Variants in TBC1D23 observed in about 807,000 individuals in gnomAD.
The protein encoded by TBC1D23 is TBC1 domain family member 23.
TBC1D23 carries 55 observed loss-of-function variants against 91.4 expected under a neutral mutation model. The observed-to-expected ratio is 0.60, with a 90% CI of 0.48 to 0.75. TBC1D23 has a LOEUF of 0.75. TBC1D23 is among the 30% of genes least tolerant of loss of function. The pLI is 0.00. For synonymous variants in TBC1D23, 289 were observed against 281.0 expected (o/e 1.03, Z -0.28); for missense variants, 725 against 836.1 (o/e 0.87, Z 1.64).
intron 1 of TBC1D23, among the ~76,000 whole-genome samples, chr3:100,274,189 G>C (rs971403620): frequency 2.0e-5 from 3 of 152,222 alleles, no homozygotes; most frequent in Admixed American, 6.5e-5. Context: ...TAGTATTCAT[G>C]GATTCTGTTT....
intron 4 of TBC1D23, chr3:100,284,051 T>TGGG: frequency 2.3e-6 from 1 of 434,214 alleles, no homozygotes; most frequent in Non-Finnish European, 4.1e-6. Context: ...GGGGAGGAAG[T>TGGG]GGGGAGATTT....
rs142074236 is a variant in TBC1D23 at position 100,311,693 on chromosome 3, T to C, written c.1554-140T>C. 1.7e-3 allele frequency: 1,002 copies of C among 581,178 alleles called. 12 individuals are homozygous for C. The East Asian group carries it at 0.026, about 15-fold the overall frequency. 36.0% of individuals were successfully genotyped at this position (581,178 alleles called of 1,614,324 possible). A position where few individuals can be genotyped will look rare whatever the true frequency, so the allele number is the denominator to read the frequency against. On this transcript the variant is annotated intron_variant, in intron 14 of 18. Transcript: ENST00000394144. ...ATTGGCTTTTCTTTGTTTTTCTTTG[T>C]ACTTGGGATGATGGAAACATCTTCT...
Position 100,297,922 on chromosome 3 carries a change from G to C in TBC1D23, c.877-1G>C. 6.2e-7 allele frequency: 1 copy of C among 1,602,004 alleles called. No individual in the cohort carries two copies. Among genetic ancestry groups the C allele is most frequent in the Non-Finnish European group, 8.5e-7 (1 of 1,172,764 alleles). On this transcript the variant is annotated splice_acceptor_variant, in intron 8 of 18. Coordinates refer to ENST00000394144, the MANE Select transcript of TBC1D23 (RefSeq NM_001199198.3). LOFTEE classifies it high-confidence loss of function. Reference sequence around the variant, plus strand: ...ATGTTTAAAAATTTCCCTTCAAACAGGATAATCACCATCTCTTTGGTAGTA... The same window carrying C: ...ATGTTTAAAAATTTCCCTTCAAACACGATAATCACCATCTCTTTGGTAGTA...
At chr3:100,322,723 C>A (rs1363597702) in intron 18 of TBC1D23, among the ~76,000 whole-genome samples, 1 of 151,816 alleles carries the variant, frequency 6.6e-6, no homozygotes, top group African/African-American at 2.4e-5. Flanking sequence ...GGCTTTCCCA[C>A]AAATTTTGCT....
chr3:100,316,501 T>C (rs898919050), intron 16 of TBC1D23, among the ~76,000 whole-genome samples: 12 of 151,810 alleles, frequency 7.9e-5, no homozygotes, highest in Admixed American at 7.9e-4. Context: ...AAATGTTGAG[T>C]AGAGGCAGTT....
At chr3:100,293,177 A>G (rs2067807793) in intron 5 of TBC1D23, among the ~76,000 whole-genome samples, 1 of 151,942 alleles carries the variant, frequency 6.6e-6, no homozygotes, top group Non-Finnish European at 1.5e-5. Context: ...TCTTTCACCC[A>G]GACTGGAGTG....
rs1259747068 is a variant in TBC1D23 at position 100,281,792 on chromosome 3, T to C, written c.216T>C (p.Gly72=). The change falls in exon 3 of 19, where the codon GGT becomes GGC. Residue 72 remains glycine, a synonymous_variant. Coordinates refer to ENST00000394144, the MANE Select transcript of TBC1D23 (RefSeq NM_001199198.3). ...GTGATAGTTTGGCATCATGGGATGGTATTTTAGACTTGCCAGAACAGAACA... is the reference window on the plus strand; with the variant it reads ...GTGATAGTTTGGCATCATGGGATGGCATTTTAGACTTGCCAGAACAGAACA... ...GKGDSLASWD[G]ILDLPEQNTI... The C allele has an allele frequency of 6.2e-7, 1 of 1,613,230 alleles. No individual in the cohort carries two copies. The highest frequency in any genetic ancestry group is 8.5e-7 in the Non-Finnish European group (1 of 1,179,472).
intron 16 of TBC1D23, among the ~76,000 whole-genome samples, chr3:100,318,163 G>A (rs80040386): frequency 0.032 from 4,848 of 151,658 alleles, 229 homozygotes; most frequent in African/African-American, 0.11. Context: ...GATAACGTGC[G>A]ATTTCCTTTT....
chr3:100,302,343 G>A, intron 11 of TBC1D23, 106 bp downstream of exon 11: 1 of 926,482 alleles, frequency 1.1e-6, no homozygotes, highest in Non-Finnish European at 1.5e-6. Context: ...ACTTTTCTTG[G>A]TTTTGTGACT....
At chr3:100,270,902 C>T (rs1182796552) in intron 1 of TBC1D23, among the ~76,000 whole-genome samples, 2 of 151,850 alleles carry the variant, frequency 1.3e-5, no homozygotes, top group Admixed American at 1.3e-4. Context: ...TGTAATTTCT[C>T]TATACTCTGC....
chr3:100,283,001 T>G (rs1257739397), intron 3 of TBC1D23, among the ~76,000 whole-genome samples: 1 of 152,220 alleles, frequency 6.6e-6, no homozygotes, highest in Non-Finnish European at 1.5e-5. Flanking sequence ...CTCAACAGAC[T>G]AGGTAAGAAA....
Position 100,310,430 on chromosome 3 carries a change from A to G in TBC1D23, c.1441A>G (p.Arg481Gly), listed in dbSNP as rs1318513626. Residue 481 changes from arginine (R) to glycine (G), a missense_variant, in exon 14 of 19, where the codon AGA (arginine) becomes GGA (glycine). Coordinates refer to ENST00000394144, the MANE Select transcript of TBC1D23 (RefSeq NM_001199198.3). ...TGAATCTCCTAATGGCTCAAGTGAT[A>G]GAGGAATGAAATCACTAGTAAATAA... ...DGESPNGSSD[R>G]GMKSLVNKMT... 1.2e-6 allele frequency: 2 copies of G among 1,612,752 alleles called. No homozygotes were observed. The highest frequency in any genetic ancestry group is 8.5e-7 in the Non-Finnish European group (1 of 1,179,270).
In TBC1D23 at chr3:100,311,817, C is replaced by G. The variant is rs1170049687; in HGVS notation, c.1554-16C>G. The G allele has an allele frequency of 1.3e-6, 2 of 1,526,386 alleles. No homozygotes were observed. The highest frequency in any genetic ancestry group is 2.0e-5 in the Admixed American group (1 of 50,954). The allele number at this position is 1,526,386 out of a possible 1,614,324, so 94.6% of individuals were successfully genotyped here. On this transcript the variant is annotated splice_polypyrimidine_tract_variant and intron_variant, in intron 14 of 18. Coordinates refer to ENST00000394144, the MANE Select transcript of TBC1D23 (RefSeq NM_001199198.3). ...TATAATCATTTTGTTCTGTCCTCTG[C>G]CTTGATTTGCTATAGAATGTCTTTC...
rs778117226 is a variant in TBC1D23, at chr3:100,296,221, C to T, written c.822C>T (p.Asp274=). The T allele has an allele frequency of 5.0e-6, 8 of 1,609,154 alleles. No homozygotes were observed. Among genetic ancestry groups the T allele is most frequent in the South Asian group, 2.2e-5 (2 of 90,094 alleles). ...PSSLNIEDIE[D]LFSLAQYYCS... is the part of the protein sequence containing the mutation. ...GTCTGAATATAGAAGATATAGAAGA[C>T]CTTTTCTCTCTGGCTCAGTATTATT... The change falls in exon 8 of 19, where the codon GAC becomes GAT. Residue 274 remains aspartate, a synonymous_variant. Coordinates refer to ENST00000394144, the MANE Select transcript of TBC1D23 (RefSeq NM_001199198.3).
At chr3:100,305,482 G>C (rs1434687339) in intron 12 of TBC1D23, among the ~76,000 whole-genome samples, 1 of 152,046 alleles carries the variant, frequency 6.6e-6, no homozygotes, top group Non-Finnish European at 1.5e-5. Context: ...TCTTACATTA[G>C]AAAAAGAGAT....
intron 12 of TBC1D23, 53 bp downstream of exon 12, chr3:100,304,941 T>C (rs1189993555): frequency 2.0e-5 from 20 of 980,028 alleles, no homozygotes; most frequent in Non-Finnish European, 3.3e-5. Flanking sequence ...AGAAATTGTA[T>C]TGATTATCAA....
intron 15 of TBC1D23, among the ~76,000 whole-genome samples, chr3:100,313,598 A>C (rs918618438): frequency 2.0e-5 from 3 of 152,210 alleles, no homozygotes; most frequent in African/African-American, 7.2e-5. Context: ...TTTTAGGATT[A>C]TCTCTTTACT....
rs551066522 is a variant in TBC1D23 at position 100,265,794 on chromosome 3, G to T, written c.53+4723G>T. On this transcript the variant is annotated intron_variant, in intron 1 of 18. Transcript: ENST00000394144. Reference sequence around the variant, plus strand: ...TTATTGCTAAACTTTTCTTAAAATTGTAAAAATATTAATTCCACAAAGAAT... The same window carrying T: ...TTATTGCTAAACTTTTCTTAAAATTTTAAAAATATTAATTCCACAAAGAAT... Among the ~76,000 whole-genome samples the T allele has an allele frequency of 1.1e-4, 16 of 152,116 alleles. No homozygotes were observed. The South Asian group carries it at 2.1e-3, about 20-fold the overall frequency.
At chr3:100,318,202 T>C (rs190334663) in intron 16 of TBC1D23, among the ~76,000 whole-genome samples, 14 of 152,132 alleles carry the variant, frequency 9.2e-5, no homozygotes, top group Non-Finnish European at 1.9e-4. Context: ...TTGCAGTATT[T>C]GTTAGAAAGC....
Sources: allele counts gnomAD v4.1 joint callset (sites outside exome capture counted in the v4.1 genomes callset), GRCh38; gene constraint gnomAD v4.1.1; transcripts MANE v1.5; gene names NCBI Gene and HGNC (gene_info 2026-07-23, HGNC 2026-07-21).